DNAH17: variants seen among roughly 807,000 people sequenced by gnomAD.
The protein encoded by DNAH17 is axonemal beta dynein heavy chain 17.
Under a neutral mutation model 485.6 loss-of-function variants are expected in DNAH17, and 376 were observed. That is an observed-to-expected ratio of 0.77 (90% CI 0.71 to 0.84). The LOEUF (loss-of-function observed/expected upper bound fraction) is 0.84, where lower values mean the gene tolerates loss of function less well. Among genes scored for constraint, DNAH17 ranks in the 40% least tolerant of loss-of-function variants. The probability of loss-of-function intolerance (pLI) is 0.00; values close to 1 mark genes in which losing one functional copy is unlikely to be tolerated. For missense variants in DNAH17, 6,370 were observed against 5,839.3 expected, an observed-to-expected ratio of 1.09 and a Z score of -2.96; for synonymous variants, 3,031 against 2,405.9, an observed-to-expected ratio of 1.26 and a Z score of -7.60.
At chr17:78,432,575 C>T (rs372513942) in intron 75 of DNAH17, among the ~76,000 whole-genome samples, 23 of 152,212 alleles carry the variant, frequency 1.5e-4, no homozygotes, top group East Asian at 7.7e-4. Context: ...CCTGGGAGGT[C>T]GTTGTCCTCC....
chr17:78,529,340 G>C, intron 22 of DNAH17, 132 bp downstream of exon 22: 1 of 889,426 alleles, frequency 1.1e-6, no homozygotes, highest in South Asian at 1.6e-5. Flanking sequence ...CCTGTTCCAT[G>C]GGGATCTGAT....
At chr17:78,564,290 G>A (rs2092222283) in intron 11 of DNAH17, among the ~76,000 whole-genome samples, 1 of 152,170 alleles carries the variant, frequency 6.6e-6, no homozygotes, top group Admixed American at 6.5e-5. Flanking sequence ...CTAGATGCAG[G>A]TGGCACAATC....
At position 78,484,095 on chromosome 17, in the gene DNAH17, CAAAAAAAAAAAAA is replaced by C. The variant is rs11290299; in HGVS notation, c.7649+760_7649+772del. On this transcript the variant is annotated intron_variant, in intron 48 of 80. Transcript: ENST00000389840. ...TGAGAGACAGAGCGAGATTTCTCCT[CAAAAAAAAAAAAA>C]AAAAAAAAAAAAAAAAAGACAACTG... is the stretch of plus-strand genomic sequence containing the variant. 7.6e-4 allele frequency among the ~76,000 whole-genome samples: 29 copies of C among 38,404 alleles called. 1 individual carries two copies. The South Asian group carries it at 0.012, about 16-fold the overall frequency. 25.2% of individuals were successfully genotyped at this position (38,404 alleles called of 152,430 possible).
chr17:78,567,856 A>G lies in DNAH17; in HGVS notation c.1285-690T>C, dbSNP rs78227617. ...GTGTGTGTGCAGTTCCTGTTTCCCA[A>G]ATGAGGTCTCCAAGGCTCCCTGGAT... On this transcript the variant is annotated intron_variant, in intron 9 of 80. Coordinates refer to ENST00000389840, the MANE Select transcript of DNAH17 (RefSeq NM_173628.4). 4.0e-3 allele frequency among the ~76,000 whole-genome samples: 608 copies of G among 152,102 alleles called. 5 individuals carry two copies. The highest frequency in any genetic ancestry group is 0.014 in the African/African-American group (579 of 41,478).
At chr17:78,537,191 G>GGAAGT in intron 19 of DNAH17, 108 bp downstream of exon 19, 1 of 1,175,414 alleles carries the variant, frequency 8.5e-7, no homozygotes, top group South Asian at 1.6e-5. Flanking sequence ...AAAAAAAAAA[G>GGAAGT]AAAAAAAGAA....
At chr17:78,487,607 T>G (rs913776962) in intron 44 of DNAH17, among the ~76,000 whole-genome samples, 31 of 152,274 alleles carry the variant, frequency 2.0e-4, no homozygotes, top group African/African-American at 7.0e-4. Context: ...TCACTGCAAC[T>G]TCTGCCTCCT....
At position 78,438,419 on chromosome 17, in the gene DNAH17, GAGGAGA is replaced by G. The variant is rs1372072699; in HGVS notation, c.11806-557_11806-552del. ...CTGGGCTTTGCTGCCTGCCCCAAGT[GAGGAGA>G]AGGAGGAGGAGGAGGAGGAGGGAGG... On this transcript the variant is annotated intron_variant, in intron 73 of 80. Transcript: ENST00000389840. Among the ~76,000 whole-genome samples, 6 of 3,278 alleles carry G rather than the reference GAGGAGA, an allele frequency of 1.8e-3. 1 individual carries two copies. Among genetic ancestry groups the G allele is most frequent in the African/African-American group, 4.7e-3 (4 of 844 alleles). The allele number at this position is 3,278 out of a possible 152,430, so 2.2% of individuals were successfully genotyped here.
rs780930523 is a variant in DNAH17 at position 78,462,797 on chromosome 17, C to T, written c.9174+47G>A. ...TGTGACAGTAGCAGCTCCTGCGAGG[C>T]CTCCAGGGAACGGCACAGGAGCTGG... On this transcript the variant is annotated intron_variant, in intron 57 of 80. Coordinates refer to ENST00000389840, the MANE Select transcript of DNAH17 (RefSeq NM_173628.4). 2.5e-6 allele frequency: 4 copies of T among 1,590,568 alleles called. No homozygotes were observed. The South Asian group carries it at 4.5e-5, about 18-fold the overall frequency.
At position 78,526,254 on chromosome 17, in the gene DNAH17, G is replaced by C. The variant is rs185696645; in HGVS notation, c.3711+397C>G. On this transcript the variant is annotated intron_variant, in intron 24 of 80. Coordinates refer to ENST00000389840, the MANE Select transcript of DNAH17 (RefSeq NM_173628.4). ...TGTGGTGGGTCAGGAGAGGCAGGAG[G>C]CAGGGAGAGATGGCAGGTGAGTATT... Among the ~76,000 whole-genome samples, 11 of 152,368 alleles carry C rather than the reference G, an allele frequency of 7.2e-5. No homozygotes were observed. In the East Asian group the frequency reaches 2.1e-3, roughly 29 times the overall value.
At chr17:78,522,130 T>A (rs1264615583) in intron 25 of DNAH17, 1 of 157,066 alleles carries the variant, frequency 6.4e-6, no homozygotes, top group Non-Finnish European at 1.4e-5. Flanking sequence ...CGCTCAAAAT[T>A]TAACAGTAAA....
intron 56 of DNAH17, among the ~76,000 whole-genome samples, chr17:78,465,386 C>T (rs1176949575): frequency 1.6e-4 from 24 of 151,252 alleles, no homozygotes; most frequent in Non-Finnish European, 2.4e-4. Context: ...TCTGCCTGGC[C>T]GCCCATCATC....
chr17:78,507,166 G>A (rs2090508010), intron 29 of DNAH17, 112 bp downstream of exon 29: 13 of 1,239,054 alleles, frequency 1.0e-5, no homozygotes, highest in Admixed American at 2.2e-5. Flanking sequence ...CAGGACCCAT[G>A]GTTTTGCCCT....
chr17:78,429,544 T>G (rs896715211), intron 75 of DNAH17, among the ~76,000 whole-genome samples: 3 of 152,182 alleles, frequency 2.0e-5, no homozygotes, highest in Non-Finnish European at 2.9e-5. Context: ...CAAGGGGCTG[T>G]GTGGCACCTC....
At chr17:78,458,272 G>A (rs2087907898) in intron 62 of DNAH17, among the ~76,000 whole-genome samples, 1 of 152,222 alleles carries the variant, frequency 6.6e-6, no homozygotes, top group Non-Finnish European at 1.5e-5. Context: ...GAAGCCACGT[G>A]GTGGCTGAAA....
In DNAH17 at chr17:78,428,471, C is replaced by T. The variant is rs758168811; in HGVS notation, c.12588+54G>A. Reference sequence around the variant, plus strand: ...CCGCCAGTCCCTGTGACCCCCTCCTCAGTTCTAGATCCTCCCCCTTCCTCT... The same window carrying T: ...CCGCCAGTCCCTGTGACCCCCTCCTTAGTTCTAGATCCTCCCCCTTCCTCT... On this transcript the variant is annotated intron_variant, in intron 77 of 80. Coordinates refer to ENST00000389840, the MANE Select transcript of DNAH17 (RefSeq NM_173628.4). 4 of 1,548,454 alleles carry T rather than the reference C, an allele frequency of 2.6e-6. No individual in the cohort carries two copies. In the South Asian group the frequency reaches 4.8e-5, roughly 18 times the overall value.
At chr17:78,542,491 G>A (rs973974097) in intron 17 of DNAH17, among the ~76,000 whole-genome samples, 1 of 152,146 alleles carries the variant, frequency 6.6e-6, no homozygotes, top group African/African-American at 2.4e-5. Context: ...ACAAGCCAAT[G>A]CAAAGCTCCA....
At chr17:78,436,154 T>C (rs928861602) in intron 74 of DNAH17, among the ~76,000 whole-genome samples, 10 of 152,286 alleles carry the variant, frequency 6.6e-5, no homozygotes, top group Admixed American at 5.9e-4. Flanking sequence ...TGGCCGGGCG[T>C]GGTGGCTCAC....
intron 31 of DNAH17, 144 bp from the exon 32 acceptor site, chr17:78,503,155 T>G: frequency 1.7e-6 from 1 of 586,884 alleles, no homozygotes; most frequent in Non-Finnish European, 2.6e-6. Flanking sequence ...TACAGAGCAG[T>G]AACAGTGACA....
At chr17:78,450,571 C>T (rs568372539) in intron 67 of DNAH17, 111 bp downstream of exon 67, 90 of 1,436,790 alleles carry the variant, frequency 6.3e-5, no homozygotes, top group African/African-American at 3.7e-4. Flanking sequence ...CACTCGGGCA[C>T]GTATGACCGA....
Sources: allele counts gnomAD v4.1 joint callset (sites outside exome capture counted in the v4.1 genomes callset), GRCh38; gene constraint gnomAD v4.1.1; transcripts MANE v1.5; gene names NCBI Gene and HGNC (gene_info 2026-07-23, HGNC 2026-07-21).